TBC1D19: variants seen among roughly 807,000 people sequenced by gnomAD.
TBC1D19 encodes the protein TBC1 domain family member 19, also known as TBC1 domain family, member 19.
In TBC1D19, 60 loss-of-function variants were observed where a neutral mutation model predicts 89.0. That is an observed-to-expected ratio of 0.67 (90% CI 0.55 to 0.84). The LOEUF (loss-of-function observed/expected upper bound fraction) is 0.84. TBC1D19 is among the 40% of genes least tolerant of loss of function. The probability of loss-of-function intolerance (pLI) is 0.00; values close to 1 mark genes in which losing one functional copy is unlikely to be tolerated. For synonymous variants in TBC1D19, 189 were observed against 199.7 expected, an observed-to-expected ratio of 0.95 and a Z score of 0.45; for missense variants, 500 against 610.8, an observed-to-expected ratio of 0.82 and a Z score of 1.91.
At chr4:26,779,124 G>A in the TBC1D19 span, among the ~76,000 whole-genome samples, 1 of 152,142 alleles carries the variant, frequency 6.6e-6, no homozygotes, top group Non-Finnish European at 1.5e-5. Flanking sequence ...ATCTAGTTTG[G>A]GGCCTGAGAT....
upstream of TBC1D19, among the ~76,000 whole-genome samples, chr4:26,579,732 T>C (rs1454434129): frequency 6.9e-6 from 1 of 145,226 alleles, no homozygotes; most frequent in East Asian, 2.3e-4. Context: ...ATTGTTCAAC[T>C]CCCGCTTATG....
chr4:26,652,322 G>A (rs552596533), intron 7 of TBC1D19, among the ~76,000 whole-genome samples: 30 of 152,274 alleles, frequency 2.0e-4, no homozygotes, highest in Non-Finnish European at 4.3e-4. Flanking sequence ...GGTAGAATTT[G>A]GCTGTGAATC....
chr4:26,778,800 T>C, the TBC1D19 span, among the ~76,000 whole-genome samples: 1 of 152,204 alleles, frequency 6.6e-6, no homozygotes, highest in Non-Finnish European at 1.5e-5. Context: ...ATCTCCAGGT[T>C]ATTTCAATCT....
At position 26,720,063 on chromosome 4, in the gene TBC1D19, T is replaced by C. The variant is rs1355881208; in HGVS notation, c.1040-18T>C. 2 of 1,585,050 alleles carry C rather than the reference T, an allele frequency of 1.3e-6. No homozygotes were observed. Among genetic ancestry groups the C allele is most frequent in the African/African-American group, 1.4e-5 (1 of 73,796 alleles). ...TTTACTTAATCATATTGAAATCCTC[T>C]ATGGTTTTCTCTTATAGGAAAACTA... is the stretch of plus-strand genomic sequence containing the variant. On this transcript the variant is annotated intron_variant, in intron 14 of 20. Coordinates refer to ENST00000264866, the MANE Select transcript of TBC1D19 (RefSeq NM_018317.4).
the TBC1D19 span, among the ~76,000 whole-genome samples, chr4:26,776,633 C>T: frequency 1.3e-5 from 2 of 152,084 alleles, no homozygotes; most frequent in Admixed American, 6.5e-5. Context: ...ATTTAGATAC[C>T]TCAAGAAGGG....
intron 1 of TBC1D19, among the ~76,000 whole-genome samples, chr4:26,578,154 C>T (rs1031541940): frequency 2.6e-5 from 4 of 152,134 alleles, no homozygotes; most frequent in African/African-American, 9.7e-5. Context: ...TGGTCCCTGC[C>T]CTAGTCCCCT....
intron 8 of TBC1D19, among the ~76,000 whole-genome samples, chr4:26,662,005 A>G (rs1381089629): frequency 2.0e-5 from 3 of 152,070 alleles, no homozygotes; most frequent in Non-Finnish European, 4.4e-5. Context: ...CAGTTTTTAT[A>G]CTCTACTCAC....
the TBC1D19 span, among the ~76,000 whole-genome samples, chr4:26,821,325 C>G: frequency 6.6e-6 from 1 of 152,168 alleles, no homozygotes; most frequent in Non-Finnish European, 1.5e-5. Flanking sequence ...TTTCAGTTGG[C>G]TCTGATTCTC....
At chr4:26,811,320 G>A in the TBC1D19 span, among the ~76,000 whole-genome samples, 6 of 152,218 alleles carry the variant, frequency 3.9e-5, no homozygotes, top group African/African-American at 1.2e-4. Context: ...AGATATGGAC[G>A]AAGGGAGGGG....
At chr4:26,741,380 A>G (rs983959984) in intron 17 of TBC1D19, among the ~76,000 whole-genome samples, 1 of 151,552 alleles carries the variant, frequency 6.6e-6, no homozygotes, top group Non-Finnish European at 1.5e-5. Context: ...AAAAAAAAAA[A>G]AAAAAAGATT....
intron 13 of TBC1D19, among the ~76,000 whole-genome samples, chr4:26,709,253 G>A (rs1715978119): frequency 6.6e-6 from 1 of 151,966 alleles, no homozygotes; most frequent in East Asian, 1.9e-4. Context: ...TTTTCATTGA[G>A]CGCATGTGGT....
At chr4:26,738,828 T>C (rs1445559358) in intron 16 of TBC1D19, among the ~76,000 whole-genome samples, 5 of 152,138 alleles carry the variant, frequency 3.3e-5, no homozygotes, top group African/African-American at 9.6e-5. Flanking sequence ...TTTGAAAGAA[T>C]TTAAAATATT....
chr4:26,583,632 A>G (rs1739210878), upstream of TBC1D19, among the ~76,000 whole-genome samples: 1 of 152,244 alleles, frequency 6.6e-6, no homozygotes, highest in African/African-American at 2.4e-5. Context: ...GCTATGGTAC[A>G]GTGCTAGGCA....
intron 7 of TBC1D19, among the ~76,000 whole-genome samples, chr4:26,653,391 G>T (rs980310303): frequency 6.6e-6 from 1 of 152,158 alleles, no homozygotes; most frequent in African/African-American, 2.4e-5. Flanking sequence ...GGTCCGCTTG[G>T]TGCAGAGCTG....
rs537346968 is a variant in TBC1D19, at chr4:26,651,300, T to C, written c.481-8297T>C. 7.7e-4 allele frequency among the ~76,000 whole-genome samples: 117 copies of C among 152,298 alleles called. 1 individual carries two copies. The highest frequency in any genetic ancestry group is 2.5e-3 in the African/African-American group (105 of 41,566). On this transcript the variant is annotated intron_variant, in intron 7 of 20. Coordinates refer to ENST00000264866, the MANE Select transcript of TBC1D19 (RefSeq NM_018317.4). ...GGATGGCATTGAATCTATAAATTACTTTGGGCAGTATGGCCATTTTCACGA... is the reference window on the plus strand; with the variant it reads ...GGATGGCATTGAATCTATAAATTACCTTGGGCAGTATGGCCATTTTCACGA...
At chr4:26,593,243 A>T (rs970799235) in intron 1 of TBC1D19, among the ~76,000 whole-genome samples, 4 of 152,208 alleles carry the variant, frequency 2.6e-5, no homozygotes, top group South Asian at 2.1e-4. Flanking sequence ...TGGGGAAAGG[A>T]TTCCCTATTT....
At chr4:26,652,949 A>ACATCACATCTT (rs1342181221) in intron 7 of TBC1D19, among the ~76,000 whole-genome samples, 2 of 151,958 alleles carry the variant, frequency 1.3e-5, no homozygotes, top group African/African-American at 4.8e-5. Flanking sequence ...AGTTCTTTTA[A>ACATCACATCTT]TTGTGATGTT....
intron 4 of TBC1D19, among the ~76,000 whole-genome samples, chr4:26,624,899 C>T (rs1742295219): frequency 6.6e-6 from 1 of 152,056 alleles, no homozygotes; most frequent in African/African-American, 2.4e-5. Flanking sequence ...TTCGTCCACG[C>T]ACTGGGAAGG....
the TBC1D19 span, among the ~76,000 whole-genome samples, chr4:26,811,030 A>G: frequency 6.6e-6 from 1 of 152,260 alleles, no homozygotes; most frequent in African/African-American, 2.4e-5. Flanking sequence ...ATTATAAATC[A>G]TTCTACTATA....
Sources: allele counts gnomAD v4.1 joint callset (sites outside exome capture counted in the v4.1 genomes callset), GRCh38; gene constraint gnomAD v4.1.1; transcripts MANE v1.5; gene names NCBI Gene and HGNC (gene_info 2026-07-23, HGNC 2026-07-21).